The following ADCK5 variants were observed in gnomAD, a reference collection of about 807,000 sequenced individuals.
The protein encoded by ADCK5 is uncharacterized aarF domain-containing protein kinase 5.
A neutral mutation model predicts 64.9 loss-of-function variants in ADCK5; 43 were observed. The observed-to-expected ratio is 0.66, with a 90% CI of 0.52 to 0.85. The LOEUF is 0.85. Among genes scored for constraint, ADCK5 ranks in the 40% least tolerant of loss-of-function variants. The pLI is 0.00. For missense variants in ADCK5, 760 were observed against 810.5 expected (o/e 0.94, Z 0.76); for synonymous variants, 434 against 342.8 (o/e 1.27, Z -2.94).
intron 3 of ADCK5, 96 bp downstream of exon 3, chr8:144,383,326 G>A (rs1306858016): frequency 2.5e-5 from 35 of 1,426,944 alleles, no homozygotes; most frequent in Non-Finnish European, 3.1e-5. Flanking sequence ...CAGACGAGGG[G>A]CGTGAGCCTG....
chr8:144,383,110 A>G lies in ADCK5; in HGVS notation c.146A>G (p.Lys49Arg), dbSNP rs782747631. Reference protein sequence around the residue: ...RFSSPTPLWRKVLSTAVVGAP... With the variant: ...RFSSPTPLWRRVLSTAVVGAP... ...TCCAGCCCCACACCCCTGTGGAGGA[A>G]GGTGCTCTCCACCGCGGTAGTGGGG... is the stretch of plus-strand genomic sequence containing the variant. The change falls in exon 3 of 15, where the codon AAG becomes AGG. Residue 49 changes from lysine (K) to arginine (R), a missense_variant. Lys to Arg is a conservative substitution (Grantham distance 26, BLOSUM62 2). This residue lies in a region of ADCK5 where 427 missense variants were observed against 518.4 expected (regional missense o/e 0.82). Transcript: ENST00000308860. The G allele has an allele frequency of 1.2e-5, 19 of 1,588,620 alleles. No individual in the cohort carries two copies. The highest frequency in any genetic ancestry group is 1.6e-5 in the Non-Finnish European group (19 of 1,167,764).
Position 144,391,478 on chromosome 8 carries a change from C to G in ADCK5, c.798+4C>G. The G allele has an allele frequency of 6.2e-7, 1 of 1,608,424 alleles. No individual in the cohort carries two copies. The highest frequency in any genetic ancestry group is 8.5e-7 in the Non-Finnish European group (1 of 1,178,418). On this transcript the variant is annotated splice_donor_region_variant and intron_variant, in intron 7 of 14. Coordinates refer to ENST00000308860, the MANE Select transcript of ADCK5 (RefSeq NM_174922.5). Reference sequence around the variant, plus strand: ...TGGCTTCAGCTGGGTCCTCCAGGTACAGCCCCACCCCTTCCCCGGCCAGCA... The same window carrying G: ...TGGCTTCAGCTGGGTCCTCCAGGTAGAGCCCCACCCCTTCCCCGGCCAGCA...
Position 144,392,951 on chromosome 8 carries a change from G to A in ADCK5, c.1638-18G>A, listed in dbSNP as rs373822279. 3.8e-6 allele frequency: 6 copies of A among 1,587,344 alleles called. No homozygotes were observed. The Admixed American group carries it at 1.1e-4, about 28-fold the overall frequency. On this transcript the variant is annotated intron_variant, in intron 14 of 14. Transcript: ENST00000308860. The stretch of plus-strand genomic sequence containing the variant: ...CCTGCTCCCCACCCACCTGTGACCT[G>A]TGACCTGACCCACGCAGGCTGGAGA...
intron 6 of ADCK5, 39 bp downstream of exon 6, chr8:144,391,313 G>T (rs139676394): frequency 6.2e-7 from 1 of 1,612,014 alleles, no homozygotes; most frequent in Non-Finnish European, 8.5e-7. Context: ...GGGCTGGGGC[G>T]GGGCACAGTG....
intron 3 of ADCK5, among the ~76,000 whole-genome samples, chr8:144,383,685 A>G (rs1819781062): frequency 6.6e-6 from 1 of 152,142 alleles, no homozygotes; most frequent in Admixed American, 6.5e-5. Context: ...AAATCGGGTT[A>G]TTGCTGTCAG....
chr8:144,381,272 T>A (rs2116847116), intron 2 of ADCK5, among the ~76,000 whole-genome samples: 392 of 13,840 alleles, frequency 0.028, no homozygotes, highest in Middle Eastern at 0.045. Context: ...GGGTGTAGAA[T>A]CAGATGTGTG....
intron 1 of ADCK5, among the ~76,000 whole-genome samples, chr8:144,375,256 C>T (rs570055030): frequency 2.0e-5 from 3 of 152,280 alleles, no homozygotes; most frequent in East Asian, 1.9e-4. Flanking sequence ...TGGGTCCAGG[C>T]GGCGTTTGAG....
chr8:144,390,700 T>C lies in ADCK5; in HGVS notation c.296T>C (p.Leu99Pro). 1 of 1,613,902 alleles carries C rather than the reference T, an allele frequency of 6.2e-7. No individual in the cohort carries two copies. The highest frequency in any genetic ancestry group is 1.1e-5 in the South Asian group (1 of 91,074). Residue 99 changes from leucine to proline, a missense_variant, in exon 4 of 15, where the codon CTG becomes CCG. By Grantham distance (98) the Leu-to-Pro change is moderately conservative. This residue lies in a region of ADCK5 where 427 missense variants were observed against 518.4 expected (regional missense o/e 0.82). Coordinates refer to ENST00000308860, the MANE Select transcript of ADCK5 (RefSeq NM_174922.5). The stretch of plus-strand genomic sequence containing the variant: ...CTGAAGGTCGGCCTGCAGATCTCCC[T>C]GGACTACTGGTGGTGCACCAATGTT... ...RSLKVGLQIS[L>P]DYWWCTNVVL...
At chr8:144,385,436 G>C (rs1180150794) in intron 3 of ADCK5, among the ~76,000 whole-genome samples, 6 of 151,196 alleles carry the variant, frequency 4.0e-5, no homozygotes, top group Middle Eastern at 3.4e-3. Flanking sequence ...TGCTCAGCTC[G>C]GCCTCTCAAA....
rs781813998 is a variant in ADCK5 at position 144,391,471 on chromosome 8, C to T, written c.795C>T (p.Leu265=). The T allele has an allele frequency of 4.3e-6, 7 of 1,609,760 alleles. No homozygotes were observed. The highest frequency in any genetic ancestry group is 5.9e-6 in the Non-Finnish European group (7 of 1,179,020). ...MHPSFGFSWV[L]QDLKGTLAQE... ...CCAGCTTTGGCTTCAGCTGGGTCCTCCAGGTACAGCCCCACCCCTTCCCCG... is the reference window on the plus strand; with the variant it reads ...CCAGCTTTGGCTTCAGCTGGGTCCTTCAGGTACAGCCCCACCCCTTCCCCG... Residue 265 remains leucine (L), a synonymous_variant, in exon 7 of 15, where the codon CTC becomes CTT. Coordinates refer to ENST00000308860, the MANE Select transcript of ADCK5 (RefSeq NM_174922.5).
intron 12 of ADCK5, 27 bp from the exon 13 acceptor site, chr8:144,392,418 T>TGCCCACC: frequency 1.3e-6 from 1 of 799,266 alleles, no homozygotes; most frequent in Non-Finnish European, 1.7e-6. Context: ...CAGAGCCCCC[T>TGCCCACC]CCCTCCCTCC....
At position 144,391,657 on chromosome 8, in the gene ADCK5, G is replaced by A; in HGVS notation, c.876G>A (p.Leu292=). The change falls in exon 8 of 15, where the codon CTG becomes CTA. Residue 292 remains leucine (L), a synonymous_variant. Transcript: ENST00000308860. ...GRNAERCARE[L]AHFPYVVVPR... is the part of the protein sequence containing the mutation. ...ACGCAGAGCGCTGTGCGCGGGAGCT[G>A]GCGCACTTCCCCTACGTCGTGGTGC... The A allele has an allele frequency of 6.5e-7, 1 of 1,546,628 alleles. No homozygotes were observed. Among genetic ancestry groups the A allele is most frequent in the Non-Finnish European group, 8.7e-7 (1 of 1,150,182 alleles).
rs976782297 is a variant in ADCK5 at position 144,392,517 on chromosome 8, T to C, written c.1340T>C (p.Leu447Pro). ...RLGQLWGSHL[L>P]SREEAAYMVD... Reference sequence around the variant, plus strand: ...GGGCAGCTGTGGGGCTCGCACCTACTGAGCCGCGAAGAGGCGGCCTACATG... The same window carrying C: ...GGGCAGCTGTGGGGCTCGCACCTACCGAGCCGCGAAGAGGCGGCCTACATG... The change falls in exon 13 of 15, where the codon CTG becomes CCG. Residue 447 changes from leucine to proline, a missense_variant. Coordinates refer to ENST00000308860, the MANE Select transcript of ADCK5 (RefSeq NM_174922.5). The C allele has an allele frequency of 9.8e-6, 15 of 1,536,822 alleles. No individual in the cohort carries two copies. The highest frequency in any genetic ancestry group is 1.4e-5 in the African/African-American group (1 of 72,224).
At chr8:144,392,419 C>CCCCG in intron 12 of ADCK5, 26 bp from the exon 13 acceptor site, 1 of 714,240 alleles carries the variant, frequency 1.4e-6, no homozygotes, top group Non-Finnish European at 2.1e-6. Flanking sequence ...AGAGCCCCCT[C>CCCCG]CCTCCCTCCC....
At position 144,392,334 on chromosome 8, in the gene ADCK5, T is replaced by TGGGAGTGCAAGGTGA; in HGVS notation, c.1259_1260insAGTGCAAGGTGAGGG (p.Gln422_Asp423insGlyGluGlyValGln). 1.4e-6 allele frequency: 2 copies of TGGGAGTGCAAGGTGA among 1,476,844 alleles called. No homozygotes were observed. The highest frequency in any genetic ancestry group is 2.5e-5 in the East Asian group (1 of 40,284). The allele number at this position is 1,476,844 out of a possible 1,614,324, so 91.5% of individuals were successfully genotyped here. On this transcript the variant is annotated inframe_insertion, in exon 12 of 15. Coordinates refer to ENST00000308860, the MANE Select transcript of ADCK5 (RefSeq NM_174922.5). ...GCCATGAGGGCGCACGCAGCCGCAC[T>TGGGAGTGCAAGGTGA]GGGGGTGCAAGGTGAGGGCGTGCGG...
rs140303668 is a variant in ADCK5, at chr8:144,383,123, C to A, written c.159C>A (p.Thr53=). 1.9e-6 allele frequency: 3 copies of A among 1,587,364 alleles called. No individual in the cohort carries two copies. Among genetic ancestry groups the A allele is most frequent in the African/African-American group, 1.3e-5 (1 of 74,508 alleles). The change falls in exon 3 of 15, where the codon ACC becomes ACA. Residue 53 remains threonine (T), a synonymous_variant. Transcript: ENST00000308860. Reference sequence around the variant, plus strand: ...CCCTGTGGAGGAAGGTGCTCTCCACCGCGGTAGTGGGGGCGCCCCTGCTCC... The same window carrying A: ...CCCTGTGGAGGAAGGTGCTCTCCACAGCGGTAGTGGGGGCGCCCCTGCTCC... ...PTPLWRKVLS[T]AVVGAPLLLG...
Position 144,379,408 on chromosome 8 carries a change from T to G in ADCK5, c.34T>G (p.Ser12Ala). 6.2e-7 allele frequency: 1 copy of G among 1,608,906 alleles called. No homozygotes were observed. Among genetic ancestry groups the G allele is most frequent in the East Asian group, 2.2e-5 (1 of 44,624 alleles). Reference sequence around the variant, plus strand: ...GCAGGTGCAGCTCTGTCATTTCCACTCTGCTCTGCTGCACAGCAGGCAGAA... The same window carrying G: ...GCAGGTGCAGCTCTGTCATTTCCACGCTGCTCTGCTGCACAGCAGGCAGAA... The part of the protein sequence containing the change: ...WRPVQLCHFH[S>A]ALLHSRQKPW... Residue 12 changes from serine (S) to alanine (A), a missense_variant, in exon 2 of 15, where the codon TCT becomes GCT. This residue lies in a region of ADCK5 where 427 missense variants were observed against 518.4 expected (regional missense o/e 0.82). Coordinates refer to ENST00000308860, the MANE Select transcript of ADCK5 (RefSeq NM_174922.5).
At position 144,392,571 on chromosome 8, in the gene ADCK5, C is replaced by G. The variant is rs1820340708; in HGVS notation, c.1394C>G (p.Ala465Gly). 7.0e-6 allele frequency: 11 copies of G among 1,574,604 alleles called. No individual in the cohort carries two copies. Among genetic ancestry groups the G allele is most frequent in the Non-Finnish European group, 9.4e-6 (11 of 1,165,770 alleles). ...MVDMARERFE[A>G]VMAVLRELPR... Reference sequence around the variant, plus strand: ...GACATGGCCCGCGAGCGCTTCGAGGCCGTCATGGCGGTGCTCAGGGAGCTG... The same window carrying G: ...GACATGGCCCGCGAGCGCTTCGAGGGCGTCATGGCGGTGCTCAGGGAGCTG... The change falls in exon 13 of 15, where the codon GCC becomes GGC. Residue 465 changes from alanine (A) to glycine (G), a missense_variant. Around this residue, in one of 2 missense-constraint regions of ADCK5, gnomAD observed 333 missense variants for 292.0 expected, o/e 1.14. Coordinates refer to ENST00000308860, the MANE Select transcript of ADCK5 (RefSeq NM_174922.5).
chr8:144,390,686 C>A lies in ADCK5; in HGVS notation c.282C>A (p.Gly94=). The change falls in exon 4 of 15, where the codon GGC becomes GGA. Residue 94 remains glycine (G), a synonymous_variant. Transcript: ENST00000308860. ...MGRFGRSLKV[G]LQISLDYWWC... The stretch of plus-strand genomic sequence containing the variant: ...CTGCCCGCAGGTCTCTGAAGGTCGG[C>A]CTGCAGATCTCCCTGGACTACTGGT... The A allele has an allele frequency of 6.2e-7, 1 of 1,613,742 alleles. No homozygotes were observed. The highest frequency in any genetic ancestry group is 1.3e-5 in the African/African-American group (1 of 75,056).
Sources: allele counts gnomAD v4.1 joint callset (sites outside exome capture counted in the v4.1 genomes callset), GRCh38; gene constraint gnomAD v4.1.1; regional missense constraint gnomAD v4.1.1; transcripts MANE v1.5; gene names NCBI Gene and HGNC (gene_info 2026-07-23, HGNC 2026-07-21).